The following RBFOX1 variants were observed in gnomAD, a reference collection of about 807,000 sequenced individuals.
RBFOX1 encodes RNA binding fox-1 homolog 1.
In RBFOX1, 8 loss-of-function variants were observed where a neutral mutation model predicts 57.7. The observed-to-expected ratio is 0.14, with a 90% confidence interval of 0.08 to 0.25. The LOEUF is 0.25. RBFOX1 is among the 10% of genes least tolerant of loss of function. The pLI, the probability that RBFOX1 is intolerant of heterozygous loss-of-function variation, is 1.00. For synonymous variants in RBFOX1, 326 were observed against 222.4 expected (o/e 1.47, Z -4.15); for missense variants, 611 against 548.5 (o/e 1.11, Z -1.14).
At chr16:5,490,570 G>A (rs1034914777) in intron 2 of RBFOX1, among the ~76,000 whole-genome samples, 5 of 152,198 alleles carry the variant, frequency 3.3e-5, no homozygotes, top group Admixed American at 1.3e-4. Flanking sequence ...CGCCCTCCAT[G>A]GTGCTGGCCG....
At chr16:7,216,227 A>G (rs116858702) in intron 4 of RBFOX1, among the ~76,000 whole-genome samples, 4 of 152,198 alleles carry the variant, frequency 2.6e-5, no homozygotes, top group Non-Finnish European at 4.4e-5. Flanking sequence ...ATTGTGAATC[A>G]TGCCACTATC....
chr16:5,655,912 ATCTCCTGCATG>A (rs2049413478), intron 3 of RBFOX1, among the ~76,000 whole-genome samples: 1 of 152,178 alleles, frequency 6.6e-6, no homozygotes, highest in African/African-American at 2.4e-5. Context: ...GATTAGGTAG[ATCTCCTGCATG>A]TCTCTAGATT....
rs573517199 is a variant in RBFOX1 at position 7,301,430 on chromosome 16, T to C, written c.28-216717T>C. Among the ~76,000 whole-genome samples the C allele has an allele frequency of 5.3e-5, 8 of 152,266 alleles. No homozygotes were observed. In the South Asian group the frequency reaches 1.2e-3, roughly 24 times the overall value. Reference sequence around the variant, plus strand: ...CATGTTGTACTTTGCAGATCTTCAGTGTGTCTGACTGTGAAAACTTAAGTT... The same window carrying C: ...CATGTTGTACTTTGCAGATCTTCAGCGTGTCTGACTGTGAAAACTTAAGTT... On this transcript the variant is annotated intron_variant, in intron 4 of 15. Transcript: ENST00000550418.
At chr16:7,465,997 C>A (rs544380781) in intron 4 of RBFOX1, among the ~76,000 whole-genome samples, 2 of 152,136 alleles carry the variant, frequency 1.3e-5, no homozygotes, top group African/African-American at 4.8e-5. Context: ...TCTCATCGTT[C>A]CAGTTTTAAG....
intron 1 of RBFOX1, among the ~76,000 whole-genome samples, chr16:5,284,391 C>G (rs1338829173): frequency 2.6e-5 from 4 of 152,062 alleles, no homozygotes; most frequent in Non-Finnish European, 5.9e-5. Flanking sequence ...TCTGCTCTAT[C>G]AGAGAGTTTT....
At chr16:6,859,682 A>C (rs1321154752) in intron 3 of RBFOX1, among the ~76,000 whole-genome samples, 1 of 152,170 alleles carries the variant, frequency 6.6e-6, no homozygotes, top group Non-Finnish European at 1.5e-5. Context: ...CATTTAATTC[A>C]AATTTTTTAA....
chr16:5,808,520 T>G (rs4383148), intron 3 of RBFOX1, among the ~76,000 whole-genome samples: 2 of 151,926 alleles, frequency 1.3e-5, no homozygotes, highest in East Asian at 1.9e-4. Context: ...AGTATGGCCA[T>G]TTTCACGATA....
intron 4 of RBFOX1, among the ~76,000 whole-genome samples, chr16:7,157,384 A>G (rs2077377569): frequency 6.6e-6 from 1 of 152,176 alleles, no homozygotes; most frequent in East Asian, 1.9e-4. Context: ...GGTAAATGGA[A>G]GGTTGCAGCC....
At chr16:5,257,273 A>G (rs1275712414) in intron 1 of RBFOX1, among the ~76,000 whole-genome samples, 1 of 152,260 alleles carries the variant, frequency 6.6e-6, no homozygotes, top group Non-Finnish European at 1.5e-5. Flanking sequence ...CATCTTTACA[A>G]CTAAGACAGC....
At chr16:7,202,132 C>G (rs1602905809) in intron 4 of RBFOX1, among the ~76,000 whole-genome samples, 1 of 150,662 alleles carries the variant, frequency 6.6e-6, no homozygotes, top group South Asian at 2.1e-4. Flanking sequence ...ATATAAACAA[C>G]TTGATTAAAA....
At chr16:6,911,605 G>C (rs183701990) in intron 3 of RBFOX1, among the ~76,000 whole-genome samples, 1 of 152,138 alleles carries the variant, frequency 6.6e-6, no homozygotes, top group African/African-American at 2.4e-5. Context: ...TAAAGACCCT[G>C]CTTCCAAATC....
At position 6,512,283 on chromosome 16, in the gene RBFOX1, CAA is replaced by C. The variant is rs565248640; in HGVS notation, c.-63-142305_-63-142304del. Among the ~76,000 whole-genome samples, 33 of 86,952 alleles carry C rather than the reference CAA, an allele frequency of 3.8e-4. 1 individual carries two copies. The highest frequency in any genetic ancestry group is 6.9e-4 in the African/African-American group (14 of 20,166). 57.0% of individuals were successfully genotyped at this position (86,952 alleles called of 152,430 possible). A position where few individuals can be genotyped will look rare whatever the true frequency, so the allele number is the denominator to read the frequency against. ...TGGGTAACAGAGCAAGACCCTGTATCAAAAAAAAAAAAAAAAGGTAAGAGAAA... is the reference window on the plus strand; with the variant it reads ...TGGGTAACAGAGCAAGACCCTGTATCAAAAAAAAAAAAAAGGTAAGAGAAA... On this transcript the variant is annotated intron_variant, in intron 2 of 15. Transcript: ENST00000550418.
intron 3 of RBFOX1, among the ~76,000 whole-genome samples, chr16:6,744,264 G>A (rs1048083815): frequency 6.6e-6 from 1 of 152,100 alleles, no homozygotes; most frequent in Non-Finnish European, 1.5e-5. Context: ...AAATATTTCA[G>A]TGCTAGTCTC....
chr16:7,638,677 GACTCA>G (rs1316701753), intron 11 of RBFOX1, among the ~76,000 whole-genome samples: 2 of 152,146 alleles, frequency 1.3e-5, no homozygotes, highest in Non-Finnish European at 2.9e-5. Context: ...CTGTTGCAGC[GACTCA>G]ACTCTTGTTA....
In RBFOX1 at chr16:6,778,300, G is replaced by C. The variant is rs111998360; in HGVS notation, c.-16+123650G>C. 2.2e-4 allele frequency among the ~76,000 whole-genome samples: 33 copies of C among 152,182 alleles called. 1 individual carries two copies. The highest frequency in any genetic ancestry group is 4.0e-4 in the Non-Finnish European group (27 of 67,960). ...AAAGTAACAAACACATGCAAAAGTA[G>C]AGAATAGTAACATGATTCCTCATGT... On this transcript the variant is annotated intron_variant, in intron 3 of 15. Coordinates refer to ENST00000550418, the MANE Select transcript of RBFOX1 (RefSeq NM_018723.4).
intron 4 of RBFOX1, among the ~76,000 whole-genome samples, chr16:7,079,834 G>A (rs2058879732): frequency 6.6e-6 from 1 of 151,980 alleles, no homozygotes; most frequent in East Asian, 1.9e-4. Flanking sequence ...GCTAGTGGCT[G>A]TAGGGTGATA....
rs1400496181 is a variant in RBFOX1, at chr16:5,683,138, G to T, written c.318+84177G>T. 4.0e-5 allele frequency among the ~76,000 whole-genome samples: 6 copies of T among 150,192 alleles called. No homozygotes were observed. In the East Asian group the frequency reaches 9.9e-4, roughly 25 times the overall value. On this transcript the variant is annotated intron_variant, in intron 3 of 19. Transcript: ENST00000641259. ...CTCTAGGGCTTGTATTTGTGTGTGTGTTGGGGGTGGAGGTGGAGGTGGGGG... is the reference window on the plus strand; with the variant it reads ...CTCTAGGGCTTGTATTTGTGTGTGTTTTGGGGGTGGAGGTGGAGGTGGGGG...
intron 2 of RBFOX1, among the ~76,000 whole-genome samples, chr16:6,473,433 T>G (rs1246958774): frequency 6.6e-6 from 1 of 152,130 alleles, no homozygotes; most frequent in African/African-American, 2.4e-5. Context: ...CACCCCCATT[T>G]CATCACAAGG....
At chr16:6,406,595 T>C (rs2093288572) in intron 2 of RBFOX1, among the ~76,000 whole-genome samples, 1 of 151,590 alleles carries the variant, frequency 6.6e-6, no homozygotes, top group Non-Finnish European at 1.5e-5. Context: ...TTTTTTTTCA[T>C]TTTAAGCACC....
Sources: allele counts gnomAD v4.1 joint callset (sites outside exome capture counted in the v4.1 genomes callset), GRCh38; gene constraint gnomAD v4.1.1; transcripts MANE v1.5; gene names NCBI Gene and HGNC (gene_info 2026-07-23, HGNC 2026-07-21).